KCNN1: variants seen among roughly 807,000 people sequenced by gnomAD.
The protein encoded by KCNN1 is small conductance calcium-activated potassium channel protein 1.
In KCNN1, 20 loss-of-function variants were observed where a neutral mutation model predicts 44.7. The observed-to-expected ratio is 0.45, with a 90% CI of 0.32 to 0.65. KCNN1 has a LOEUF of 0.65. KCNN1 is among the 30% of genes least tolerant of loss of function. The pLI, the probability that KCNN1 is intolerant of heterozygous loss-of-function variation, is 0.05. For synonymous variants in KCNN1, 324 were observed against 341.7 expected, an observed-to-expected ratio of 0.95 and a Z score of 0.57; for missense variants, 632 against 785.3, an observed-to-expected ratio of 0.80 and a Z score of 2.33.
At position 17,989,841 on chromosome 19, in the gene KCNN1, T is replaced by A; in HGVS notation, c.1296T>A (p.His432Gln). The A allele has an allele frequency of 6.2e-7, 1 of 1,613,424 alleles. No individual in the cohort carries two copies. Among genetic ancestry groups the A allele is most frequent in the Non-Finnish European group, 8.5e-7 (1 of 1,179,718 alleles). ...KHQRKFLQAIHQAQKLRSVKI... is the reference protein window; with the variant it reads ...KHQRKFLQAIQQAQKLRSVKI... ...AGCGTAAGTTCCTCCAAGCCATCCA[T>A]CAGTAAGTCCAGCACCTTTCCAGCT... Residue 432 changes from histidine to glutamine, a missense_variant and splice_region_variant, in exon 7 of 10, where the codon CAT becomes CAA. By Grantham distance (24) the His-to-Gln change is conservative. Transcript: ENST00000684775.
chr19:17,968,854 C>T (rs919022015), intron 1 of KCNN1, among the ~76,000 whole-genome samples: 2 of 152,102 alleles, frequency 1.3e-5, no homozygotes, highest in Non-Finnish European at 2.9e-5. Context: ...AAATACACCC[C>T]GTAGGATGTT....
rs59430994 is a variant in KCNN1 at position 17,956,581 on chromosome 19, AT to A, written c.-82+1913del. On this transcript the variant is annotated intron_variant, in intron 2 of 10. Coordinates refer to the KCNN1 transcript ENST00000222249. ...AATGTAGCAAGAACCCATCTCTACA[AT>A]TTTTTTTTTTTTAAATTAACCAGTG... Among the ~76,000 whole-genome samples, 717 of 146,714 alleles carry A rather than the reference AT, an allele frequency of 4.9e-3. 1 individual carries two copies. The highest frequency in any genetic ancestry group is 0.013 in the African/African-American group (512 of 40,088).
intron 1 of KCNN1, among the ~76,000 whole-genome samples, chr19:17,971,849 A>G (rs2032033961): frequency 6.6e-6 from 1 of 151,868 alleles, no homozygotes; most frequent in Non-Finnish European, 1.5e-5. Flanking sequence ...TGGCAGTATT[A>G]GGATTCAGGA....
chr19:17,982,092 G>T lies in KCNN1; in HGVS notation c.882G>T (p.Trp294Cys). 1 of 1,602,566 alleles carries T rather than the reference G, an allele frequency of 6.2e-7. No homozygotes were observed. The highest frequency in any genetic ancestry group is 1.1e-5 in the South Asian group (1 of 89,452). ...TGCTGGTCTTCAGCATCTCCTCCTG[G>T]ATCATCGCAGCCTGGACCGTGCGCG... ...TVLLVFSISS[W>C]IIAAWTVRVC... is the part of the protein sequence containing the mutation. Residue 294 changes from tryptophan to cysteine, a missense_variant, in exon 4 of 10, where the codon TGG (tryptophan) becomes TGT (cysteine). By Grantham distance (215) the Trp-to-Cys change is radical. Coordinates refer to ENST00000684775, the MANE Select transcript of KCNN1 (RefSeq NM_001386974.1).
chr19:17,985,264 G>A (rs2278993), intron 4 of KCNN1, 48 bp from the exon 5 acceptor site: 278,336 of 1,493,244 alleles, frequency 0.19, 27,467 homozygotes, highest in East Asian at 0.33. Context: ...GGAGGCAAAG[G>A]GGATGGTATA....
At chr19:17,969,595 G>A (rs2031941058) in intron 1 of KCNN1, among the ~76,000 whole-genome samples, 2 of 152,200 alleles carry the variant, frequency 1.3e-5, no homozygotes, top group African/African-American at 4.8e-5. Flanking sequence ...CGGCTGCCAG[G>A]CGAGGAGGAA....
intron 2 of KCNN1, among the ~76,000 whole-genome samples, chr19:17,955,818 C>T (rs936451376): frequency 6.7e-6 from 1 of 150,144 alleles, no homozygotes; most frequent in South Asian, 2.1e-4. Context: ...CTCTACTTCC[C>T]GGCTCTCGTG....
At chr19:17,965,914 C>T (rs551539380), upstream of KCNN1, among the ~76,000 whole-genome samples, 169 of 152,140 alleles carry the variant, frequency 1.1e-3, no homozygotes, top group African/African-American at 3.6e-3. Context: ...GAACAAAGGT[C>T]CTGTCTGAGA....
intron 3 of KCNN1, among the ~76,000 whole-genome samples, chr19:17,979,786 A>T (rs376351103): frequency 1.3e-5 from 2 of 152,098 alleles, no homozygotes; most frequent in East Asian, 1.9e-4. Context: ...CCACATTTTA[A>T]GGAAGTGACT....
chr19:17,963,000 CTTTTT>C (rs71164332), upstream of KCNN1, among the ~76,000 whole-genome samples: 842 of 81,622 alleles, frequency 0.01, 3 homozygotes, highest in Non-Finnish European at 0.015. Context: ...CACGCCCAGG[CTTTTT>C]TTTTTTTTTT....
At chr19:17,966,013 C>T (rs1175875140), upstream of KCNN1, among the ~76,000 whole-genome samples, 1 of 119,660 alleles carries the variant, frequency 8.4e-6, no homozygotes, top group Non-Finnish European at 1.8e-5. Flanking sequence ...GCCTGCCTGC[C>T]TGCCTGCCTG....
intron 1 of KCNN1, among the ~76,000 whole-genome samples, chr19:17,968,782 A>G (rs1380119233): frequency 6.6e-6 from 1 of 152,086 alleles, no homozygotes; most frequent in Non-Finnish European, 1.5e-5. Context: ...GCTTCAGGGA[A>G]GGGAGCTCTC....
In KCNN1 at chr19:17,958,480, C is replaced by CTTT. The variant is rs71164331; in HGVS notation, c.-82+3820_-82+3822dup. Among the ~76,000 whole-genome samples, 306 of 99,530 alleles carry CTTT rather than the reference C, an allele frequency of 3.1e-3. 8 individuals are homozygous for CTTT. The highest frequency in any genetic ancestry group is 6.2e-3 in the South Asian group (16 of 2,566). The allele number at this position is 99,530 out of a possible 152,430, so 65.3% of individuals were successfully genotyped here. Reference sequence around the variant, plus strand: ...TGCGAGACAACAGGAGACCCTGTCTCTTTTTTTTTTTTTTTTTTTTTTTGA... The same window carrying CTTT: ...TGCGAGACAACAGGAGACCCTGTCTCTTTTTTTTTTTTTTTTTTTTTTTTTTGA... On this transcript the variant is annotated intron_variant, in intron 2 of 10. Coordinates refer to the KCNN1 transcript ENST00000222249.
At chr19:17,981,687 G>T (rs762928052) in intron 3 of KCNN1, 22 bp from the exon 4 acceptor site, 3 of 1,551,080 alleles carry the variant, frequency 1.9e-6, no homozygotes, top group Non-Finnish European at 2.6e-6. Context: ...ACCCATGGCT[G>T]GTTCCCTCCC....
rs540727181 is a variant in KCNN1, at chr19:17,983,650, C to T, written c.917+1523C>T. Among the ~76,000 whole-genome samples the T allele has an allele frequency of 1.2e-4, 19 of 152,202 alleles. 1 individual carries two copies. In the South Asian group the frequency reaches 2.3e-3, roughly 18 times the overall value. On this transcript the variant is annotated intron_variant, in intron 4 of 9. Transcript: ENST00000684775. The surrounding 1 kb of genome is among the most constrained non-coding windows in gnomAD (Gnocchi z 4.5). ...AGCCAATCCTAAATTCTGAGCCTGG[C>T]GACAATGCTTGAAGCCCCCTTGCCT...
At position 17,967,151 on chromosome 19, in the gene KCNN1, TG is replaced by T. The variant is rs1454601281; in HGVS notation, c.-247del. 3.1e-5 allele frequency: 30 copies of T among 964,954 alleles called. No homozygotes were observed. The highest frequency in any genetic ancestry group is 3.4e-5 in the Non-Finnish European group (28 of 813,896). 59.8% of individuals were successfully genotyped at this position (964,954 alleles called of 1,614,324 possible). A position where few individuals can be genotyped will look rare whatever the true frequency, so the allele number is the denominator to read the frequency against. On this transcript the variant is annotated 5_prime_UTR_variant, in exon 1 of 10. The change abolishes an upstream ATG in the 5' untranslated region. Transcript: ENST00000684775. ...GGCCCGTGGACTGGGCGGCGGGGGA[TG>T]CGCCTGCCGCCGCCGCCCCCGGCCC...
In KCNN1 at chr19:17,974,850, G is replaced by A. The variant is rs1425034495; in HGVS notation, c.403-242G>A. The stretch of plus-strand genomic sequence containing the variant: ...CTGTCAGCCCAGTCCCCAGGAATAA[G>A]GACAGGAGAGCACCGCTTCCTGAAT... On this transcript the variant is annotated intron_variant, in intron 2 of 9. Coordinates refer to ENST00000684775, the MANE Select transcript of KCNN1 (RefSeq NM_001386974.1). The surrounding 1 kb of genome is among the most constrained non-coding windows in gnomAD (Gnocchi z 7.3). 6.6e-6 allele frequency among the ~76,000 whole-genome samples: 1 copy of A among 152,204 alleles called. No homozygotes were observed. The highest frequency in any genetic ancestry group is 1.5e-5 in the Non-Finnish European group (1 of 68,036).
chr19:17,992,206 C>T (rs148611824), intron 7 of KCNN1, among the ~76,000 whole-genome samples: 9,309 of 150,956 alleles, frequency 0.062, 347 homozygotes, highest in African/African-American at 0.11. Flanking sequence ...GCCTGTAGTC[C>T]CAGCTACTCG....
rs10411508 is a variant in KCNN1, at chr19:17,999,765, G to A, written c.*1359G>A. ...TGGGGAGACGACGCTGTGCATAGCCGAGGAGCCCCAGGTCCTGGCAGCCTC... is the reference window on the plus strand; with the variant it reads ...TGGGGAGACGACGCTGTGCATAGCCAAGGAGCCCCAGGTCCTGGCAGCCTC... On this transcript the variant is annotated 3_prime_UTR_variant, in exon 10 of 10. Coordinates refer to ENST00000684775, the MANE Select transcript of KCNN1 (RefSeq NM_001386974.1). 127,179 of 338,244 alleles carry A rather than the reference G, an allele frequency of 0.38. 25,010 individuals carry two copies. Among genetic ancestry groups the A allele is most frequent in the East Asian group, 0.54 (7,093 of 13,158 alleles). The allele number at this position is 338,244 out of a possible 1,614,324, so 21.0% of individuals were successfully genotyped here. A position where few individuals can be genotyped will look rare whatever the true frequency, so the allele number is the denominator to read the frequency against.
Sources: gnomAD v4.1 joint callset for allele counts (sites outside exome capture counted in the v4.1 genomes callset) on GRCh38, gnomAD v4.1.1 for gene constraint, Gnocchi (gnomAD v3.1) non-coding constraint, MANE v1.5 for transcripts, NCBI Gene and HGNC (gene_info 2026-07-23, HGNC 2026-07-21) for gene names.